The following BARX2 variants were observed in gnomAD, a reference collection of about 807,000 sequenced individuals.
BARX2 encodes the protein homeobox protein BarH-like 2.
BARX2 carries 11 observed loss-of-function variants against 25.5 expected under a neutral mutation model. The observed-to-expected ratio is 0.43, with a 90% CI of 0.27 to 0.71. The LOEUF is 0.71. Among genes scored for constraint, BARX2 ranks in the 30% least tolerant of loss-of-function variants. The probability of loss-of-function intolerance (pLI) is 0.19; values close to 1 mark genes in which losing one functional copy is unlikely to be tolerated. For synonymous variants in BARX2, 137 were observed against 149.5 expected (o/e 0.92, Z 0.61); for missense variants, 360 against 359.9 (o/e 1.00, Z 0.00).
chr11:129,431,536 T>C (rs887238672), intron 1 of BARX2, among the ~76,000 whole-genome samples: 1 of 152,262 alleles, frequency 6.6e-6, no homozygotes, highest in African/African-American at 2.4e-5. Flanking sequence ...AATTTGCATT[T>C]CCTTCATTAG....
intron 2 of BARX2, among the ~76,000 whole-genome samples, chr11:129,439,549 G>A (rs1205338146): frequency 2.6e-5 from 4 of 152,206 alleles, no homozygotes; most frequent in African/African-American, 9.7e-5. Context: ...GAAGCAAGAA[G>A]GGAGTTGAGA....
intron 1 of BARX2, among the ~76,000 whole-genome samples, chr11:129,381,367 CCTT>C (rs1190016399): frequency 6.6e-6 from 1 of 151,782 alleles, no homozygotes; most frequent in Non-Finnish European, 1.5e-5. Flanking sequence ...ATTGCTAAGC[CCTT>C]CTTTGTTTGT....
At chr11:129,414,021 G>A (rs545495915) in intron 1 of BARX2, among the ~76,000 whole-genome samples, 6 of 151,494 alleles carry the variant, frequency 4.0e-5, no homozygotes, top group South Asian at 2.1e-4. Context: ...AGCCGAGATC[G>A]CGCCACTGCA....
intron 1 of BARX2, among the ~76,000 whole-genome samples, chr11:129,407,789 A>G (rs1861846454): frequency 1.3e-5 from 2 of 152,116 alleles, no homozygotes; most frequent in African/African-American, 2.4e-5. Flanking sequence ...GGGTGTGATA[A>G]AAATGCATGC....
At chr11:129,450,471 T>C (rs1487177462) in intron 3 of BARX2, among the ~76,000 whole-genome samples, 1 of 152,240 alleles carries the variant, frequency 6.6e-6, no homozygotes, top group African/African-American at 2.4e-5. Flanking sequence ...TCTGTGTTAT[T>C]AAACATTCTC....
At chr11:129,440,093 C>G (rs1208942559) in intron 2 of BARX2, among the ~76,000 whole-genome samples, 1 of 152,134 alleles carries the variant, frequency 6.6e-6, no homozygotes, top group African/African-American at 2.4e-5. Context: ...CCTACGTGAC[C>G]AGGGCCATGA....
intron 1 of BARX2, among the ~76,000 whole-genome samples, chr11:129,415,605 C>T (rs1861936272): frequency 6.6e-6 from 1 of 152,198 alleles, no homozygotes; most frequent in Non-Finnish European, 1.5e-5. Context: ...TTTTCCATAT[C>T]ACAGAGCACC....
rs763218516 is a variant in BARX2, at chr11:129,451,340, G to A, written c.778G>A (p.Glu260Lys). 3 of 1,614,158 alleles carry A rather than the reference G, an allele frequency of 1.9e-6. No homozygotes were observed. The highest frequency in any genetic ancestry group is 2.5e-6 in the Non-Finnish European group (3 of 1,180,014). Residue 260 changes from glutamate to lysine, a missense_variant, in exon 4 of 4, where the codon GAG becomes AAG. Glu to Lys is a moderately conservative substitution (Grantham distance 56). Around this residue, in one of 3 missense-constraint regions of BARX2, gnomAD observed 114 missense variants for 109.4 expected, o/e 1.04. Transcript: ENST00000281437. ...KARDVPLEMA[E>K]PPDPPQELPI... ...ACGTGATGTCCCCTTAGAGATGGCA[G>A]AGCCACCAGACCCGCCCCAGGAGTT...
intron 1 of BARX2, among the ~76,000 whole-genome samples, chr11:129,384,093 C>T (rs11221698): frequency 0.14 from 21,961 of 152,098 alleles, 1,791 homozygotes; most frequent in Non-Finnish European, 0.19. Context: ...AGGCTGGTCT[C>T]AAATTCCCAA....
At chr11:129,388,161 G>T (rs1483021418) in intron 1 of BARX2, among the ~76,000 whole-genome samples, 1 of 151,986 alleles carries the variant, frequency 6.6e-6, no homozygotes, top group Admixed American at 6.6e-5. Context: ...TAATGCATCA[G>T]CTCTGTTGGA....
chr11:129,436,695 G>A lies in BARX2; in HGVS notation c.188-56G>A. On this transcript the variant is annotated intron_variant, in intron 1 of 3. Transcript: ENST00000281437. The surrounding 1 kb of genome is among the most constrained non-coding windows in gnomAD (Gnocchi z 4.5). Reference sequence around the variant, plus strand: ...CAGCCAGCGGCCCTCCGCAGGTCCTGGCCTGCTTCCCCACACCGTTCCCTG... The same window carrying A: ...CAGCCAGCGGCCCTCCGCAGGTCCTAGCCTGCTTCCCCACACCGTTCCCTG... 1.3e-6 allele frequency: 2 copies of A among 1,515,986 alleles called. No homozygotes were observed. The allele number at this position is 1,515,986 out of a possible 1,614,324, so 93.9% of individuals were successfully genotyped here. A position where few individuals can be genotyped will look rare whatever the true frequency, so the allele number is the denominator to read the frequency against.
At chr11:129,438,986 A>G (rs1359842387) in intron 2 of BARX2, among the ~76,000 whole-genome samples, 3 of 152,192 alleles carry the variant, frequency 2.0e-5, no homozygotes, top group Non-Finnish European at 4.4e-5. Flanking sequence ...AGGAAACTGC[A>G]AGTAGCCAGG....
chr11:129,440,086 A>G (rs1157401807), intron 2 of BARX2, among the ~76,000 whole-genome samples: 1 of 151,928 alleles, frequency 6.6e-6, no homozygotes, highest in Non-Finnish European at 1.5e-5. Context: ...TCGCCTCCCT[A>G]CGTGACCAGG....
intron 1 of BARX2, among the ~76,000 whole-genome samples, chr11:129,388,093 CTGTGTG>C (rs34835803): frequency 1.4e-5 from 2 of 146,920 alleles, no homozygotes; most frequent in Non-Finnish European, 3.0e-5. Context: ...AGGCAACATA[CTGTGTG>C]TGTGTGTGTG....
intron 2 of BARX2, chr11:129,437,392 T>C: frequency 5.1e-6 from 5 of 983,562 alleles, no homozygotes; most frequent in Non-Finnish European, 6.1e-6. Flanking sequence ...CACTCACTCT[T>C]AGGATTGGAG....
At chr11:129,387,952 G>T (rs1487224100) in intron 1 of BARX2, among the ~76,000 whole-genome samples, 2 of 152,160 alleles carry the variant, frequency 1.3e-5, no homozygotes, top group African/African-American at 4.8e-5. Flanking sequence ...TAAGAAATGG[G>T]AACGGGGTCA....
intron 1 of BARX2, among the ~76,000 whole-genome samples, chr11:129,393,075 A>G (rs1721876913): frequency 6.6e-6 from 1 of 152,076 alleles, no homozygotes; most frequent in Non-Finnish European, 1.5e-5. Flanking sequence ...ATTTGAGACC[A>G]GCCTGGGCAA....
intron 1 of BARX2, among the ~76,000 whole-genome samples, chr11:129,401,030 A>G (rs1387890981): frequency 1.3e-5 from 2 of 152,212 alleles, no homozygotes; most frequent in African/African-American, 4.8e-5. Flanking sequence ...GGCCAGCAGT[A>G]CCAGTGATAT....
At chr11:129,445,824 C>CA (rs1862320389) in intron 3 of BARX2, among the ~76,000 whole-genome samples, 1 of 152,114 alleles carries the variant, frequency 6.6e-6, no homozygotes, top group Admixed American at 6.6e-5. Context: ...AGTGGAATAG[C>CA]AAGGCTGTGT....
Sources: allele counts gnomAD v4.1 joint callset (sites outside exome capture counted in the v4.1 genomes callset), GRCh38; gene constraint gnomAD v4.1.1; regional missense constraint gnomAD v4.1.1; non-coding constraint Gnocchi (gnomAD v3.1); transcripts MANE v1.5; gene names NCBI Gene and HGNC (gene_info 2026-07-23, HGNC 2026-07-21).